Variants in PIGQ observed in about 807,000 individuals in gnomAD.
PIGQ encodes the protein phosphatidylinositol N-acetylglucosaminyltransferase subunit Q.
Under a neutral mutation model 60.3 loss-of-function variants are expected in PIGQ, and 54 were observed. The ratio of observed to expected loss-of-function variants is 0.90; its 90% CI spans 0.72 to 1.12. PIGQ has a LOEUF of 1.12. PIGQ is among the 50% of genes most tolerant of loss of function. The pLI is 0.00. For missense variants in PIGQ, 799 were observed against 793.5 expected (o/e 1.01, Z -0.08); for synonymous variants, 416 against 363.7 (o/e 1.14, Z -1.64).
At chr16:571,790 G>A (rs2035634016) in intron 1 of PIGQ, among the ~76,000 whole-genome samples, 1 of 152,106 alleles carries the variant, frequency 6.6e-6, no homozygotes, top group Non-Finnish European at 1.5e-5. Flanking sequence ...GGCTGAGGTG[G>A]GAGTGTGATG....
rs1339765945 is a variant in PIGQ at position 583,672 on chromosome 16, T to C, written c.*637T>C. On this transcript the variant is annotated 3_prime_UTR_variant, in exon 11 of 11. Coordinates refer to ENST00000321878, the MANE Select transcript of PIGQ (RefSeq NM_004204.5). ...CAGGCTGTGAGCATCGCCAGGCTGC[T>C]GTGGGGGCGGGAGCAGCCTCAGTGT... 5.0e-6 allele frequency: 8 copies of C among 1,609,592 alleles called. No homozygotes were observed. The highest frequency in any genetic ancestry group is 4.0e-5 in the African/African-American group (3 of 74,904).
chr16:574,879 C>T, intron 2 of PIGQ, 116 bp downstream of exon 2: 1 of 808,064 alleles, frequency 1.2e-6, no homozygotes, highest in Non-Finnish European at 1.9e-6. Context: ...CCCGGGCCCC[C>T]TCCCACTCCT....
chr16:574,806 A>G (rs1296457675), intron 2 of PIGQ, 43 bp downstream of exon 2: 15 of 1,412,712 alleles, frequency 1.1e-5, no homozygotes, highest in Non-Finnish European at 1.2e-5. Context: ...GTGGGGTCCC[A>G]TGAGTGCTGG....
In PIGQ at chr16:583,337, C is replaced by G; in HGVS notation, c.*302C>G. ...GCAACCCCAGGTGTCCAGAGCACTG[C>G]CCCATGCCCACCCTGTGTACCCAGG... On this transcript the variant is annotated 3_prime_UTR_variant, in exon 11 of 11. Transcript: ENST00000321878. 6.2e-7 allele frequency: 1 copy of G among 1,612,562 alleles called. No homozygotes were observed. The highest frequency in any genetic ancestry group is 8.5e-7 in the Non-Finnish European group (1 of 1,179,760).
intron 7 of PIGQ, chr16:579,438 C>G: frequency 2.7e-6 from 1 of 374,904 alleles, no homozygotes. Context: ...CTAGAGGTGC[C>G]CCGGGCCCAG....
At chr16:571,487 C>CGTGT (rs1567173657) in intron 1 of PIGQ, among the ~76,000 whole-genome samples, 7 of 60,136 alleles carry the variant, frequency 1.2e-4, no homozygotes, top group Admixed American at 2.3e-4. Flanking sequence ...GTCTGGTTAG[C>CGTGT]CTGTGTGTGT....
At chr16:570,575 C>G (rs2035603022) in intron 1 of PIGQ, 1 of 152,246 alleles carries the variant, frequency 6.6e-6, no homozygotes. Context: ...CAGCGATTCT[C>G]CTGCCTCAGC....
At position 578,846 on chromosome 16, in the gene PIGQ, C is replaced by G. The variant is rs1258739319; in HGVS notation, c.1131C>G (p.Ala377=). Residue 377 remains alanine (A), a synonymous_variant, in exon 6 of 11, where the codon GCC becomes GCG. Coordinates refer to ENST00000321878, the MANE Select transcript of PIGQ (RefSeq NM_004204.5). ...EHILWHVGLS[A]CLGLTVALSL... is the part of the protein sequence containing the mutation. Reference sequence around the variant, plus strand: ...TCCTTTGGCACGTGGGCCTCTCGGCCTGCCTGGGCCTGACGGTGGCCCTGT... The same window carrying G: ...TCCTTTGGCACGTGGGCCTCTCGGCGTGCCTGGGCCTGACGGTGGCCCTGT... 2 of 1,613,688 alleles carry G rather than the reference C, an allele frequency of 1.2e-6. No individual in the cohort carries two copies. The highest frequency in any genetic ancestry group is 1.3e-5 in the African/African-American group (1 of 74,932).
chr16:572,232 CCT>C (rs2035642426), intron 1 of PIGQ, among the ~76,000 whole-genome samples: 1 of 152,208 alleles, frequency 6.6e-6, no homozygotes, highest in Non-Finnish European at 1.5e-5. Context: ...TCACTTTGTC[CCT>C]CTCACGATGT....
At position 582,865 on chromosome 16, in the gene PIGQ, CTG is replaced by C. The variant is rs2035834847; in HGVS notation, c.1594-17_1594-16del. 6.3e-7 allele frequency: 1 copy of C among 1,582,276 alleles called. No individual in the cohort carries two copies. Among genetic ancestry groups the C allele is most frequent in the East Asian group, 2.2e-5 (1 of 44,458 alleles). On this transcript the variant is annotated splice_polypyrimidine_tract_variant and intron_variant, in intron 10 of 10. Coordinates refer to ENST00000321878, the MANE Select transcript of PIGQ (RefSeq NM_004204.5). ...GGAGCTCAGACCACCCCACTGACCG[CTG>C]CCCTTGTCCTTCCAGATAAACCCAC...
At chr16:572,843 G>A (rs560413193) in intron 1 of PIGQ, among the ~76,000 whole-genome samples, 1 of 152,350 alleles carries the variant, frequency 6.6e-6, no homozygotes, top group South Asian at 2.1e-4. Flanking sequence ...CGTCCCTAAG[G>A]GCGTGGTGGG....
intron 2 of PIGQ, among the ~76,000 whole-genome samples, chr16:575,119 C>A (rs1009311664): frequency 6.6e-6 from 1 of 152,186 alleles, no homozygotes; most frequent in Non-Finnish European, 1.5e-5. Context: ...CACACAGGCC[C>A]GCTGGCCTCC....
chr16:582,814 C>A, intron 10 of PIGQ, 69 bp from the exon 11 acceptor site: 1 of 1,503,114 alleles, frequency 6.7e-7, no homozygotes, highest in Non-Finnish European at 9.0e-7. Context: ...ACTGCCCGCC[C>A]CCACCCTCTC....
In PIGQ at chr16:571,038, C is replaced by CGT. The variant is rs1176149269; in HGVS notation, c.-10+1011_-10+1012dup. 1.6e-3 allele frequency among the ~76,000 whole-genome samples: 140 copies of CGT among 85,222 alleles called. 24 individuals carry two copies. Among genetic ancestry groups the CGT allele is most frequent in the Non-Finnish European group, 2.4e-3 (91 of 38,186 alleles). 55.9% of individuals were successfully genotyped at this position (85,222 alleles called of 152,430 possible). A position where few individuals can be genotyped will look rare whatever the true frequency, so the allele number is the denominator to read the frequency against. ...AAGCTCTTCTGGCTAGCCTGGCGCC[C>CGT]GTGTGTGTGTGTGTGTGTGTGTGTG... On this transcript the variant is annotated intron_variant, in intron 1 of 10. Coordinates refer to ENST00000321878, the MANE Select transcript of PIGQ (RefSeq NM_004204.5).
chr16:575,734 T>G, intron 2 of PIGQ, 105 bp from the exon 3 acceptor site: 237 of 1,247,848 alleles, frequency 1.9e-4, no homozygotes, highest in Middle Eastern at 4.0e-4. Flanking sequence ...CCTGTCCTGC[T>G]GAGCTCAGGA....
rs200593446 is a variant in PIGQ, at chr16:579,224, C to G, written c.1335+44C>G. On this transcript the variant is annotated intron_variant, in intron 7 of 10. Transcript: ENST00000321878. ...GGCTGGAGGGGCTGACTGCCTCCGG[C>G]CTGTGCCCGCTGGGCCAGCGCGGTG... 48 of 1,514,070 alleles carry G rather than the reference C, an allele frequency of 3.2e-5. No homozygotes were observed. In the African/African-American group the frequency reaches 6.0e-4, roughly 19 times the overall value. The allele number at this position is 1,514,070 out of a possible 1,614,324, so 93.8% of individuals were successfully genotyped here.
chr16:579,251 T>G, intron 7 of PIGQ, 71 bp downstream of exon 7: 1 of 1,274,254 alleles, frequency 7.8e-7, no homozygotes, highest in South Asian at 1.2e-5. Flanking sequence ...AGCGCGGTGC[T>G]TGGGCACCAC....
chr16:577,667 C>G (rs532259338), intron 4 of PIGQ, among the ~76,000 whole-genome samples: 1 of 152,274 alleles, frequency 6.6e-6, no homozygotes, highest in African/African-American at 2.4e-5. Context: ...GGGGCCTGCG[C>G]AATGGGCAAG....
Position 583,138 on chromosome 16 carries a change from C to T in PIGQ, c.*103C>T, listed in dbSNP as rs144837847. 2.3e-5 allele frequency: 37 copies of T among 1,613,256 alleles called. No individual in the cohort carries two copies. In the South Asian group the frequency reaches 3.0e-4, roughly 13 times the overall value. On this transcript the variant is annotated 3_prime_UTR_variant, in exon 11 of 11. Coordinates refer to ENST00000321878, the MANE Select transcript of PIGQ (RefSeq NM_004204.5). Reference sequence around the variant, plus strand: ...TGGCGCATGTCCTGTGCTTTGTGGACGCTGCTGTGTGCTCCTGAACACGGC... The same window carrying T: ...TGGCGCATGTCCTGTGCTTTGTGGATGCTGCTGTGTGCTCCTGAACACGGC...
Sources: gnomAD v4.1 joint callset for allele counts (sites outside exome capture counted in the v4.1 genomes callset) on GRCh38, gnomAD v4.1.1 for gene constraint, MANE v1.5 for transcripts, NCBI Gene and HGNC (gene_info 2026-07-23, HGNC 2026-07-21) for gene names.